RBFOX2: variants seen among roughly 807,000 people sequenced by gnomAD.
The protein encoded by RBFOX2 is RNA binding protein fox-1 homolog 2.
In RBFOX2, 10 loss-of-function variants were observed where a neutral mutation model predicts 49.1. The ratio of observed to expected loss-of-function variants is 0.20; its 90% CI spans 0.13 to 0.35. The LOEUF (loss-of-function observed/expected upper bound fraction) is 0.35. RBFOX2 is among the 10% of genes least tolerant of loss of function. RBFOX2 has a pLI of 1.00. For missense variants in RBFOX2, 323 were observed against 486.9 expected, an observed-to-expected ratio of 0.66 and a Z score of 3.17; for synonymous variants, 183 against 187.4, an observed-to-expected ratio of 0.98 and a Z score of 0.19.
upstream of RBFOX2, chr22:35,840,625 T>TGTGC (rs1556025644): frequency 7.4e-6 from 8 of 1,074,354 alleles, no homozygotes; most frequent in South Asian, 2.2e-4. Flanking sequence ...CGTGTGTGCG[T>TGTGC]GTGTGCGTGT....
At chr22:35,985,940 ATAGATAGATAG>A (rs2057701128) in intron 1 of RBFOX2, among the ~76,000 whole-genome samples, 1 of 151,236 alleles carries the variant, frequency 6.6e-6, no homozygotes, top group African/African-American at 2.4e-5. Context: ...AGATAGATAG[ATAGATAGATAG>A]ATAGAGTCTT....
intron 11 of RBFOX2, 74 bp downstream of exon 13, chr22:35,745,849 T>G (rs1932451848): frequency 1.3e-5 from 19 of 1,451,558 alleles, no homozygotes; most frequent in Non-Finnish European, 1.8e-5. Flanking sequence ...ACTACCTCCC[T>G]AGATCTTCTG....
At chr22:35,994,883 A>T (rs1325702320) in intron 1 of RBFOX2, 1 of 152,214 alleles carries the variant, frequency 6.6e-6, no homozygotes, top group South Asian at 2.1e-4. Context: ...CATATTACAC[A>T]GCAAGTCTAG....
At chr22:36,009,865 T>C (rs1170093436) in intron 1 of RBFOX2, among the ~76,000 whole-genome samples, 1 of 152,174 alleles carries the variant, frequency 6.6e-6, no homozygotes, top group East Asian at 1.9e-4. Context: ...CTCTGCAAAT[T>C]TAAGTCACTG....
chr22:35,854,044 C>A (rs1375410611), intron 1 of RBFOX2, among the ~76,000 whole-genome samples: 2 of 151,956 alleles, frequency 1.3e-5, no homozygotes, highest in African/African-American at 4.8e-5. Flanking sequence ...AACCCCTTCT[C>A]TGTTAAAAAT....
intron 9 of RBFOX2, chr22:35,750,305 G>C: frequency 1.7e-6 from 1 of 598,978 alleles, no homozygotes. Context: ...TAATTCATTT[G>C]GAGATATGAA....
chr22:35,969,843 C>A (rs1320910258), intron 1 of RBFOX2, among the ~76,000 whole-genome samples: 1 of 152,156 alleles, frequency 6.6e-6, no homozygotes, highest in Non-Finnish European at 1.5e-5. Context: ...ATATGTATCA[C>A]CTTTAGGCCC....
At chr22:35,820,894 C>G (rs1414625497) in intron 1 of RBFOX2, among the ~76,000 whole-genome samples, 2 of 152,140 alleles carry the variant, frequency 1.3e-5, no homozygotes, top group African/African-American at 4.8e-5. Context: ...TACACTAAAG[C>G]TATGAACTAC....
intron 1 of RBFOX2, among the ~76,000 whole-genome samples, chr22:36,012,669 G>A (rs1365385495): frequency 6.6e-6 from 1 of 152,058 alleles, no homozygotes; most frequent in East Asian, 1.9e-4. Context: ...AATCTGGAGG[G>A]TGACTATAGA....
In RBFOX2 at chr22:35,974,112, T is replaced by C. The variant is rs1451696099; in HGVS notation, c.187-35215A>G. ...GGCACAGAGAACTTGGCAGCTCGGC[T>C]GACTCCCAAACCAGCTCTAAACAAA... On this transcript the variant is annotated intron_variant, in intron 1 of 13. Coordinates refer to the RBFOX2 transcript ENST00000438146. 2.0e-5 allele frequency among the ~76,000 whole-genome samples: 3 copies of C among 152,304 alleles called. No homozygotes were observed. In the East Asian group the frequency reaches 5.8e-4, roughly 29 times the overall value.
chr22:35,755,492 C>T (rs1936587020), intron 9 of RBFOX2, among the ~76,000 whole-genome samples: 1 of 152,150 alleles, frequency 6.6e-6, no homozygotes, highest in African/African-American at 2.4e-5. Context: ...TCATTTCCTC[C>T]AATGGCTTTT....
chr22:35,915,950 T>C (rs963607436), intron 1 of RBFOX2, among the ~76,000 whole-genome samples: 4 of 152,232 alleles, frequency 2.6e-5, no homozygotes, highest in Non-Finnish European at 5.9e-5. Flanking sequence ...AGGCTCCGTA[T>C]GCCTCCTCTT....
intron 1 of RBFOX2, among the ~76,000 whole-genome samples, chr22:35,900,288 T>A (rs375550356): frequency 6.6e-6 from 1 of 152,028 alleles, no homozygotes; most frequent in Non-Finnish European, 1.5e-5. Context: ...TATTTTTGTA[T>A]TTTTAGTAGA....
chr22:35,871,601 G>C (rs1338393823), intron 1 of RBFOX2, among the ~76,000 whole-genome samples: 1 of 152,160 alleles, frequency 6.6e-6, no homozygotes, highest in Non-Finnish European at 1.5e-5. Flanking sequence ...CAAGGGCTTT[G>C]GTGTAAGATG....
chr22:35,792,780 A>G (rs1247449830), intron 2 of RBFOX2, among the ~76,000 whole-genome samples: 1 of 152,250 alleles, frequency 6.6e-6, no homozygotes, highest in Non-Finnish European at 1.5e-5. Flanking sequence ...TTAAAAAAAT[A>G]AAAACACTTT....
At chr22:35,877,179 G>A (rs1213935699) in intron 1 of RBFOX2, among the ~76,000 whole-genome samples, 1 of 151,904 alleles carries the variant, frequency 6.6e-6, no homozygotes, top group Admixed American at 6.6e-5. Flanking sequence ...ATTTGATAAT[G>A]AAACAAAGAC....
chr22:35,752,914 C>T (rs184271622), intron 9 of RBFOX2, among the ~76,000 whole-genome samples: 12 of 152,250 alleles, frequency 7.9e-5, no homozygotes, highest in Admixed American at 5.2e-4. Context: ...AATCCTATCA[C>T]GGTAGGTCTT....
chr22:35,927,065 C>T (rs1044933282), intron 1 of RBFOX2, among the ~76,000 whole-genome samples: 5 of 152,144 alleles, frequency 3.3e-5, no homozygotes, highest in Non-Finnish European at 5.9e-5. Flanking sequence ...CCTCCTAGTC[C>T]TCGCAGTATT....
At chr22:35,826,090 C>T (rs1955662390) in intron 1 of RBFOX2, among the ~76,000 whole-genome samples, 1 of 149,690 alleles carries the variant, frequency 6.7e-6, no homozygotes, top group Admixed American at 6.6e-5. Context: ...GCCTATAATC[C>T]CAGCACTTTG....
Sources: allele counts gnomAD v4.1 joint callset (sites outside exome capture counted in the v4.1 genomes callset), GRCh38; gene constraint gnomAD v4.1.1; transcripts MANE v1.5; gene names NCBI Gene and HGNC (gene_info 2026-07-23, HGNC 2026-07-21).